Variants in RNF212 observed in about 807,000 individuals in gnomAD.
The protein encoded by RNF212 is probable E3 SUMO-protein ligase RNF212.
In RNF212, 33 loss-of-function variants were observed where a neutral mutation model predicts 34.7. The observed-to-expected ratio is 0.95, with a 90% CI of 0.72 to 1.27. RNF212 has a LOEUF of 1.27. Ranked by LOEUF, RNF212 falls within the 50% of genes most tolerant of loss-of-function variation. The probability of loss-of-function intolerance (pLI) is 0.00; values close to 1 mark genes in which losing one functional copy is unlikely to be tolerated. For synonymous variants in RNF212, 140 were observed against 136.1 expected, an observed-to-expected ratio of 1.03 and a Z score of -0.20; for missense variants, 377 against 362.2, an observed-to-expected ratio of 1.04 and a Z score of -0.33.
intron 1 of RNF212, among the ~76,000 whole-genome samples, chr4:1,112,544 C>G (rs75881267): frequency 0.018 from 2,763 of 152,070 alleles, 75 homozygotes; most frequent in African/African-American, 0.064. Context: ...ACCAGGGCCC[C>G]GCGCTGCCCA....
chr4:1,106,949 A>G (rs533289958), intron 2 of RNF212, among the ~76,000 whole-genome samples: 2 of 152,366 alleles, frequency 1.3e-5, no homozygotes, highest in East Asian at 3.9e-4. Context: ...TGAAACAGCG[A>G]AAAACCGAAA....
At chr4:1,099,616 G>A (rs536847641) in intron 2 of RNF212, 1 of 415,236 alleles carries the variant, frequency 2.4e-6, no homozygotes, top group East Asian at 7.1e-5. Flanking sequence ...CAATCCCCAG[G>A]AAAATCACAA....
intron 2 of RNF212, among the ~76,000 whole-genome samples, chr4:1,099,378 C>A (rs1379074696): frequency 6.6e-6 from 1 of 152,108 alleles, no homozygotes; most frequent in Non-Finnish European, 1.5e-5. Context: ...CACAGAGATT[C>A]GGGAGGCAGC....
intron 2 of RNF212, among the ~76,000 whole-genome samples, chr4:1,105,816 T>G (rs985316309): frequency 6.6e-6 from 1 of 152,202 alleles, no homozygotes; most frequent in Admixed American, 6.5e-5. Context: ...TCACATTCCA[T>G]AGAGACTTAA....
chr4:1,095,374 A>T (rs1284044807), intron 3 of RNF212, among the ~76,000 whole-genome samples: 1 of 35,910 alleles, frequency 2.8e-5, no homozygotes, highest in Non-Finnish European at 6.2e-5. Flanking sequence ...CACCTGGCTC[A>T]TCACAGAACC....
At chr4:1,082,074 C>T (rs528721181) in intron 5 of RNF212, 43 of 175,922 alleles carry the variant, frequency 2.4e-4, no homozygotes, top group Non-Finnish European at 3.4e-4. Context: ...TGTGATTGTA[C>T]TACTGTACTA....
At chr4:1,113,288 C>T in intron 1 of RNF212, 68 bp downstream of exon 1, 1 of 273,860 alleles carries the variant, frequency 3.7e-6, no homozygotes, top group South Asian at 2.8e-5. Flanking sequence ...AGTCCCCCAT[C>T]CCCCGGAGTT....
intron 3 of RNF212, chr4:1,093,574 C>T (rs59057706): frequency 0.15 from 164,590 of 1,070,688 alleles, 13,186 homozygotes; most frequent in African/African-American, 0.51. Flanking sequence ...CTGAGAGGCA[C>T]GAGAGGCAGA....
chr4:1,080,556 G>T (rs1233976323), intron 7 of RNF212, among the ~76,000 whole-genome samples: 1 of 152,090 alleles, frequency 6.6e-6, no homozygotes, highest in Non-Finnish European at 1.5e-5. Flanking sequence ...CCACAGTGAT[G>T]CCCTCAGTCA....
chr4:1,056,845 C>T lies in RNF212; in HGVS notation n.221-342G>A, dbSNP rs899631668. On this transcript the variant is annotated intron_variant and non_coding_transcript_variant, in intron 4 of 4. Transcript: ENST00000503206. Reference sequence around the variant, plus strand: ...GGCTGGCTGAGCACTTGCCTAAACACTGCCTCTGCAGCAGGCTGGGGATGC... The same window carrying T: ...GGCTGGCTGAGCACTTGCCTAAACATTGCCTCTGCAGCAGGCTGGGGATGC... 1.9e-5 allele frequency: 19 copies of T among 987,812 alleles called. No homozygotes were observed. The African/African-American group carries it at 3.1e-4, about 16-fold the overall frequency. 61.2% of individuals were successfully genotyped at this position (987,812 alleles called of 1,614,324 possible).
intron 4 of RNF212, among the ~76,000 whole-genome samples, chr4:1,057,890 C>A (rs1387663351): frequency 1.3e-5 from 2 of 152,262 alleles, no homozygotes; most frequent in East Asian, 1.9e-4. Context: ...AATGGTGAAA[C>A]CCCTCTACTA....
At chr4:1,081,799 C>T (rs1049861901) in intron 5 of RNF212, 180 bp from the exon 6 acceptor site, 1 of 594,994 alleles carries the variant, frequency 1.7e-6, no homozygotes, top group African/African-American at 1.9e-5. Flanking sequence ...CGGCCCTGCT[C>T]CTCCCTAGCG....
intron 2 of RNF212, among the ~76,000 whole-genome samples, chr4:1,104,735 G>T (rs1230433463): frequency 1.3e-5 from 2 of 152,146 alleles, no homozygotes; most frequent in African/African-American, 4.8e-5. Flanking sequence ...TCAGATGCTG[G>T]GGCAGCATGT....
At chr4:1,088,559 G>A (rs1480737984) in intron 4 of RNF212, among the ~76,000 whole-genome samples, 1 of 152,216 alleles carries the variant, frequency 6.6e-6, no homozygotes, top group Non-Finnish European at 1.5e-5. Flanking sequence ...ATTTTCTGAG[G>A]GGAAATTCAA....
intron 3 of RNF212, among the ~76,000 whole-genome samples, chr4:1,061,707 G>A (rs1717761850): frequency 6.6e-6 from 1 of 152,190 alleles, no homozygotes; most frequent in South Asian, 2.1e-4. Flanking sequence ...AGCTCAACAA[G>A]AAAAGAGCAG....
chr4:1,077,830 G>C (rs772089540), intron 8 of RNF212, among the ~76,000 whole-genome samples: 50 of 152,328 alleles, frequency 3.3e-4, no homozygotes, highest in Non-Finnish European at 6.3e-4. Context: ...CAGTTGCCTA[G>C]GGAGGAGGTG....
intron 2 of RNF212, among the ~76,000 whole-genome samples, chr4:1,097,925 C>T (rs995817809): frequency 1.3e-5 from 2 of 152,032 alleles, no homozygotes; most frequent in African/African-American, 2.4e-5. Flanking sequence ...GTTACCTGGG[C>T]GTGATGGCAG....
intron 4 of RNF212, among the ~76,000 whole-genome samples, chr4:1,088,792 C>G (rs575386497): frequency 3.4e-4 from 52 of 152,320 alleles, no homozygotes; most frequent in African/African-American, 1.2e-3. Flanking sequence ...CTAAAAGGGT[C>G]CAAGGTACAA....
At chr4:1,104,994 G>A (rs1194104402) in intron 2 of RNF212, among the ~76,000 whole-genome samples, 1 of 152,142 alleles carries the variant, frequency 6.6e-6, no homozygotes, top group Non-Finnish European at 1.5e-5. Flanking sequence ...TTCTGGAGGA[G>A]CTCTCTTGTC....
Sources: gnomAD v4.1 joint callset for allele counts (sites outside exome capture counted in the v4.1 genomes callset) on GRCh38, gnomAD v4.1.1 for gene constraint, MANE v1.5 for transcripts, NCBI Gene and HGNC (gene_info 2026-07-23, HGNC 2026-07-21) for gene names.